The following ANO1 variants were observed in gnomAD, a reference collection of about 807,000 sequenced individuals.
ANO1 encodes anoctamin 1.
Under a neutral mutation model 124.0 loss-of-function variants are expected in ANO1, and 59 were observed. The observed-to-expected ratio is 0.48, with a 90% CI of 0.39 to 0.59. ANO1 has a LOEUF of 0.59. Among genes scored for constraint, ANO1 ranks in the 20% least tolerant of loss-of-function variants. ANO1 has a pLI of 0.00. For synonymous variants in ANO1, 529 were observed against 532.0 expected (o/e 0.99, Z 0.08); for missense variants, 1,059 against 1,328.0 (o/e 0.80, Z 3.15).
intron 8 of ANO1, among the ~76,000 whole-genome samples, chr11:70,118,970 G>A (rs2046122886): frequency 7.5e-6 from 1 of 132,724 alleles, no homozygotes; most frequent in Non-Finnish European, 1.7e-5. Context: ...GGGTGAATGG[G>A]TAGATGGATG....
intron 9 of ANO1, among the ~76,000 whole-genome samples, chr11:70,125,751 G>A (rs991282627): frequency 6.6e-6 from 1 of 151,266 alleles, no homozygotes; most frequent in Non-Finnish European, 1.5e-5. Context: ...GGCTGAGGCA[G>A]GAGAATGGCG....
Position 70,161,626 on chromosome 11 carries a change from C to T in ANO1, c.1785C>T (p.Val595=), listed in dbSNP as rs2048047257. The T allele has an allele frequency of 6.2e-7, 1 of 1,613,998 alleles. No individual in the cohort carries two copies. The highest frequency in any genetic ancestry group is 1.1e-5 in the South Asian group (1 of 91,084). The change falls in exon 18 of 26, where the codon GTC becomes GTT. Residue 595 remains valine, a synonymous_variant. Coordinates refer to ENST00000355303, the MANE Select transcript of ANO1 (RefSeq NM_018043.7). ...CIARWLTKIE[V]PKTEKSFEER... is the part of the protein sequence containing the mutation. ...TCATCCTACCCCTCCCTCTAGAGGTCCCAAAGACGGAGAAAAGCTTTGAGG... is the reference window on the plus strand; with the variant it reads ...TCATCCTACCCCTCCCTCTAGAGGTTCCAAAGACGGAGAAAAGCTTTGAGG...
intron 8 of ANO1, among the ~76,000 whole-genome samples, chr11:70,121,704 T>C (rs1310672732): frequency 6.8e-6 from 1 of 146,964 alleles, no homozygotes; most frequent in Admixed American, 6.7e-5. Context: ...TCTCTGTCTG[T>C]CTCTCTATCT....
rs1390120637 is a variant in ANO1, at chr11:70,149,772, A to G, written c.1321A>G (p.Thr441Ala). 1.9e-5 allele frequency: 31 copies of G among 1,613,298 alleles called. No homozygotes were observed. Among genetic ancestry groups the G allele is most frequent in the Non-Finnish European group, 2.6e-5 (31 of 1,179,584 alleles). Residue 441 changes from threonine to alanine, a missense_variant, in exon 12 of 26, where the codon ACG becomes GCG. By Grantham distance (58) the Thr-to-Ala change is moderately conservative. Coordinates refer to ENST00000355303, the MANE Select transcript of ANO1 (RefSeq NM_018043.7). ...GCGACTCAACTACCGCTGGGACCTC[A>G]CGGGCTTTGAAGAGGAAGAGGTCAG... ...QMRLNYRWDL[T>A]GFEEEEEAVK...
chr11:70,029,049 T>C (rs965924467), intron 1 of ANO1, among the ~76,000 whole-genome samples: 3 of 152,164 alleles, frequency 2.0e-5, no homozygotes, highest in African/African-American at 7.2e-5. Context: ...CCGAAAGTGC[T>C]GAGATTACAG....
intron 16 of ANO1, among the ~76,000 whole-genome samples, chr11:70,160,737 C>T (rs1000155420): frequency 6.6e-6 from 1 of 152,242 alleles, no homozygotes; most frequent in Non-Finnish European, 1.5e-5. Flanking sequence ...CCCCATCCCG[C>T]AGTCAGTCTG....
chr11:70,025,734 GTGATGATGATGATGA>G (rs1362653948), intron 1 of ANO1, among the ~76,000 whole-genome samples: 1 of 135,398 alleles, frequency 7.4e-6, no homozygotes, highest in Non-Finnish European at 1.6e-5. Context: ...GGTGGTGATG[GTGATGATGATGATGA>G]TGGTGGTGGT....
intron 11 of ANO1, among the ~76,000 whole-genome samples, chr11:70,142,726 T>C (rs2047203286): frequency 6.6e-6 from 1 of 152,178 alleles, no homozygotes; most frequent in Non-Finnish European, 1.5e-5. Flanking sequence ...AGGCATGCAT[T>C]TCCCACAGTT....
chr11:70,004,146 C>T (rs1565158236), intron 1 of ANO1, among the ~76,000 whole-genome samples: 1 of 152,204 alleles, frequency 6.6e-6, no homozygotes, highest in Admixed American at 6.5e-5. Context: ...GTGGTCTCAC[C>T]ACCCTGCACC....
intron 1 of ANO1, among the ~76,000 whole-genome samples, chr11:70,062,058 T>C (rs1292943593): frequency 6.8e-6 from 1 of 147,536 alleles, no homozygotes; most frequent in Non-Finnish European, 1.5e-5. Context: ...TTTTTCTCTT[T>C]CCTTCTTTCT....
At chr11:70,058,691 C>T (rs868958940) in intron 1 of ANO1, among the ~76,000 whole-genome samples, 40 of 152,250 alleles carry the variant, frequency 2.6e-4, no homozygotes, top group Admixed American at 1.5e-3. Context: ...CAAGGACAGG[C>T]GCTAATTCTG....
intron 24 of ANO1, among the ~76,000 whole-genome samples, chr11:70,185,270 C>G (rs568707468): frequency 6.6e-6 from 1 of 152,358 alleles, no homozygotes; most frequent in African/African-American, 2.4e-5. Context: ...AAGTTTGCAA[C>G]CTCCTGGACC....
rs1346973326 is a variant in ANO1 at position 70,148,037 on chromosome 11, A to G, written c.1259-1673A>G. On this transcript the variant is annotated intron_variant, in intron 11 of 25. Coordinates refer to ENST00000355303, the MANE Select transcript of ANO1 (RefSeq NM_018043.7). ...CTAGACAAACCCGTGCATCCTTGGA[A>G]GCCCTATTCGCACCTCGCCTTAAAG... is the stretch of plus-strand genomic sequence containing the variant. Among the ~76,000 whole-genome samples the G allele has an allele frequency of 3.3e-5, 5 of 152,280 alleles. No individual in the cohort carries two copies. In the East Asian group the frequency reaches 9.6e-4, roughly 29 times the overall value.
At chr11:70,060,795 C>G (rs1857555391) in intron 1 of ANO1, among the ~76,000 whole-genome samples, 1 of 152,138 alleles carries the variant, frequency 6.6e-6, no homozygotes, top group Non-Finnish European at 1.5e-5. Context: ...GGCCTGGGTC[C>G]TGTGTGAGGG....
At chr11:69,999,126 C>G (rs782576054) in intron 1 of ANO1, among the ~76,000 whole-genome samples, 1 of 151,898 alleles carries the variant, frequency 6.6e-6, no homozygotes, top group Non-Finnish European at 1.5e-5. Context: ...AATTGGCTCA[C>G]GGTTCTGCAG....
At chr11:70,121,229 CTG>C (rs1565220951) in intron 8 of ANO1, among the ~76,000 whole-genome samples, 1 of 151,996 alleles carries the variant, frequency 6.6e-6, no homozygotes, top group African/African-American at 2.4e-5. Context: ...CTCTCTATCT[CTG>C]TCTCTCCATC....
At chr11:70,066,083 G>A (rs1213380896) in intron 1 of ANO1, among the ~76,000 whole-genome samples, 2 of 152,206 alleles carry the variant, frequency 1.3e-5, no homozygotes, top group African/African-American at 4.8e-5. Context: ...TGTTTGCATT[G>A]TTTATTCCGT....
chr11:70,147,088 C>A (rs2047406624), intron 11 of ANO1, among the ~76,000 whole-genome samples: 1 of 152,280 alleles, frequency 6.6e-6, no homozygotes, highest in South Asian at 2.1e-4. Context: ...GGTAAACAGG[C>A]CAACTCTGCA....
chr11:70,125,940 C>T (rs1158128896), intron 9 of ANO1, 121 bp from the exon 10 acceptor site: 1 of 1,296,638 alleles, frequency 7.7e-7, no homozygotes, highest in Non-Finnish European at 1.1e-6. Context: ...CTCTCTGCTT[C>T]TGGGATGAGG....
Sources: allele counts gnomAD v4.1 joint callset (sites outside exome capture counted in the v4.1 genomes callset), GRCh38; gene constraint gnomAD v4.1.1; transcripts MANE v1.5; gene names NCBI Gene and HGNC (gene_info 2026-07-23, HGNC 2026-07-21).